The following DPY19L2 variants were observed in gnomAD, a reference collection of about 807,000 sequenced individuals.
The protein encoded by DPY19L2 is dpy-19 like 2, also known as probable C-mannosyltransferase DPY19L2.
DPY19L2 carries 34 observed loss-of-function variants against 97.9 expected under a neutral mutation model. That is an observed-to-expected ratio of 0.35 (90% CI 0.26 to 0.46). The LOEUF (loss-of-function observed/expected upper bound fraction) is 0.46, where lower values mean the gene tolerates loss of function less well. Ranked by LOEUF, DPY19L2 falls within the 20% of genes least tolerant of loss-of-function variation. The probability of loss-of-function intolerance (pLI) is 1.00; values close to 1 mark genes in which losing one functional copy is unlikely to be tolerated. For missense variants in DPY19L2, 623 were observed against 911.4 expected, an observed-to-expected ratio of 0.68 and a Z score of 4.07; for synonymous variants, 230 against 307.9, an observed-to-expected ratio of 0.75 and a Z score of 2.65.
In DPY19L2 at chr12:63,638,567, GACAA is replaced by G. The variant is rs535339887; in HGVS notation, c.803+5832_803+5835del. The stretch of plus-strand genomic sequence containing the variant: ...CAACCATTCCTATACACCACTAATA[GACAA>G]ACAGAGAGCCAAATCATGAGTGAAC... On this transcript the variant is annotated intron_variant, in intron 6 of 21. Transcript: ENST00000324472. Among the ~76,000 whole-genome samples, 369 of 152,122 alleles carry G rather than the reference GACAA, an allele frequency of 2.4e-3. 2 individuals carry two copies. Among genetic ancestry groups the G allele is most frequent in the Middle Eastern group, 0.01 (3 of 294 alleles).
rs151008844 is a variant in DPY19L2, at chr12:63,573,737, A to G, written c.1901-2880T>C. Reference sequence around the variant, plus strand: ...ATGGAGATCTAATAGATCTGGCAGCAGACTTTTCAGTGGAAACCTTACAGG... The same window carrying G: ...ATGGAGATCTAATAGATCTGGCAGCGGACTTTTCAGTGGAAACCTTACAGG... On this transcript the variant is annotated intron_variant, in intron 19 of 21. Transcript: ENST00000324472. 3.5e-3 allele frequency among the ~76,000 whole-genome samples: 527 copies of G among 152,292 alleles called. 2 individuals carry two copies. The highest frequency in any genetic ancestry group is 0.014 in the Middle Eastern group (4 of 294).
chr12:63,640,482 T>C lies in DPY19L2; in HGVS notation c.803+3921A>G, dbSNP rs113133195. 3.2e-3 allele frequency among the ~76,000 whole-genome samples: 495 copies of C among 152,336 alleles called. 4 individuals are homozygous for C. Among genetic ancestry groups the C allele is most frequent in the African/African-American group, 0.011 (449 of 41,578 alleles). On this transcript the variant is annotated intron_variant, in intron 6 of 21. Coordinates refer to ENST00000324472, the MANE Select transcript of DPY19L2 (RefSeq NM_173812.5). The stretch of plus-strand genomic sequence containing the variant: ...ATCATATCTGTATGTTAAAATTTTA[T>C]GGTTAGCCACCAAAAGAATAGAAGC...
intron 4 of DPY19L2, 126 bp downstream of exon 4, chr12:63,661,218 A>G (rs1401712269): frequency 2.1e-6 from 2 of 943,302 alleles, no homozygotes; most frequent in South Asian, 2.6e-5. Flanking sequence ...CTACTCAACT[A>G]TAAGGATACA....
At chr12:63,636,186 A>G (rs1183848468) in intron 6 of DPY19L2, among the ~76,000 whole-genome samples, 1 of 152,162 alleles carries the variant, frequency 6.6e-6, no homozygotes, top group Non-Finnish European at 1.5e-5. Context: ...TAAGCTTCAT[A>G]AGTGAAGGAG....
Position 63,608,699 on chromosome 12 carries a change from G to C in DPY19L2, c.1219-24C>G, listed in dbSNP as rs1202716800. On this transcript the variant is annotated intron_variant, in intron 11 of 21. Transcript: ENST00000324472. ...GCCTAAAATGCACATAAGGGAAAAT[G>C]AAACAATTCAATACAATTAACATTT... is the stretch of plus-strand genomic sequence containing the variant. 4 of 1,222,354 alleles carry C rather than the reference G, an allele frequency of 3.3e-6. No individual in the cohort carries two copies. The South Asian group carries it at 5.4e-5, about 17-fold the overall frequency. 75.7% of individuals were successfully genotyped at this position (1,222,354 alleles called of 1,614,324 possible). A position where few individuals can be genotyped will look rare whatever the true frequency, so the allele number is the denominator to read the frequency against.
chr12:63,592,257 A>G (rs1395948296), intron 16 of DPY19L2, among the ~76,000 whole-genome samples: 2 of 151,704 alleles, frequency 1.3e-5, no homozygotes, highest in Non-Finnish European at 2.9e-5. Context: ...CAAGCTACCA[A>G]TGACTTTCTT....
chr12:63,565,332 C>A (rs1877456798), intron 21 of DPY19L2, among the ~76,000 whole-genome samples: 1 of 152,116 alleles, frequency 6.6e-6, no homozygotes, highest in Non-Finnish European at 1.5e-5. Context: ...GGACTCCAAT[C>A]CTTCAGGAGG....
At chr12:63,604,774 G>A (rs1173454322) in intron 12 of DPY19L2, among the ~76,000 whole-genome samples, 2 of 152,068 alleles carry the variant, frequency 1.3e-5, no homozygotes, top group Non-Finnish European at 2.9e-5. Context: ...TCATTGAAGT[G>A]TTTTTATGAT....
At chr12:63,666,459 C>T (rs1327649881) in intron 1 of DPY19L2, 1 of 429,558 alleles carries the variant, frequency 2.3e-6, no homozygotes, top group Non-Finnish European at 4.6e-6. Context: ...ATACATAAGA[C>T]TTCACCTGGG....
rs1419970070 is a variant in DPY19L2 at position 63,600,306 on chromosome 12, G to A, written c.1359C>T (p.His453=). The A allele has an allele frequency of 6.9e-6, 11 of 1,603,892 alleles. No homozygotes were observed. The highest frequency in any genetic ancestry group is 4.5e-4 in the Middle Eastern group (2 of 4,432). The change falls in exon 13 of 22, where the codon CAC becomes CAT. Residue 453 remains histidine (H), a splice_region_variant and synonymous_variant. Coordinates refer to ENST00000324472, the MANE Select transcript of DPY19L2 (RefSeq NM_173812.5). ...CATGTTTTAACTAAAAAGTACTTAC[G>A]TGGTCTGAAACGCCTAAGATTTTAG... ...LTSKILGVSD[H]IRLSDLIAAR...
At chr12:63,648,008 A>G (rs537676918) in intron 4 of DPY19L2, among the ~76,000 whole-genome samples, 5 of 152,244 alleles carry the variant, frequency 3.3e-5, no homozygotes, top group African/African-American at 1.2e-4. Context: ...TGATAGTATT[A>G]AGAGATGGGA....
chr12:63,590,836 C>A (rs1882772203), intron 16 of DPY19L2, among the ~76,000 whole-genome samples: 1 of 152,092 alleles, frequency 6.6e-6, no homozygotes, highest in South Asian at 2.1e-4. Flanking sequence ...TGAGATTTAA[C>A]CCGGAACCCT....
At chr12:63,632,628 G>T (rs769584183) in intron 6 of DPY19L2, among the ~76,000 whole-genome samples, 10 of 152,110 alleles carry the variant, frequency 6.6e-5, no homozygotes, top group Admixed American at 3.9e-4. Context: ...TCGTGAAAAT[G>T]GCCATACTGC....
At chr12:63,587,173 A>G (rs1166464832) in intron 16 of DPY19L2, among the ~76,000 whole-genome samples, 1 of 152,170 alleles carries the variant, frequency 6.6e-6, no homozygotes, top group Non-Finnish European at 1.5e-5. Flanking sequence ...GCAAAAAACC[A>G]CTAAGTAAAG....
intron 16 of DPY19L2, among the ~76,000 whole-genome samples, chr12:63,591,993 AGGGAGGGG>A (rs1883061631): frequency 5.7e-5 from 1 of 17,416 alleles, no homozygotes; most frequent in African/African-American, 3.9e-4. Context: ...AGGGAAGGGA[AGGGAGGGG>A]AAGGGAGGGG....
chr12:63,610,128 T>C (rs571332764), intron 11 of DPY19L2, among the ~76,000 whole-genome samples: 1 of 149,374 alleles, frequency 6.7e-6, no homozygotes, highest in Non-Finnish European at 1.5e-5. Context: ...ATCTTTAATA[T>C]AAGAAGAAGA....
chr12:63,601,629 T>C (rs577826936), intron 12 of DPY19L2, among the ~76,000 whole-genome samples: 244 of 152,182 alleles, frequency 1.6e-3, no homozygotes, highest in African/African-American at 5.5e-3. Context: ...GGGGTCAAAA[T>C]TGGAAATAAA....
At chr12:63,609,315 T>A (rs953003296) in intron 11 of DPY19L2, among the ~76,000 whole-genome samples, 4 of 151,930 alleles carry the variant, frequency 2.6e-5, no homozygotes, top group African/African-American at 7.3e-5. Flanking sequence ...AAAGCTAGGG[T>A]CCTCAAAACT....
At chr12:63,602,946 C>A (rs1885416866) in intron 12 of DPY19L2, among the ~76,000 whole-genome samples, 1 of 152,056 alleles carries the variant, frequency 6.6e-6, no homozygotes, top group Non-Finnish European at 1.5e-5. Context: ...ATACATAAAA[C>A]TTACAACAAA....
Sources: gnomAD v4.1 joint callset for allele counts (sites outside exome capture counted in the v4.1 genomes callset) on GRCh38, gnomAD v4.1.1 for gene constraint, MANE v1.5 for transcripts, NCBI Gene and HGNC (gene_info 2026-07-23, HGNC 2026-07-21) for gene names.